The following DNAI4 variants were observed in gnomAD, a reference collection of about 807,000 sequenced individuals.
DNAI4 encodes dynein axonemal intermediate chain 4, also known as WD repeat domain 78.
DNAI4 carries 85 observed loss-of-function variants against 105.8 expected under a neutral mutation model. That is an observed-to-expected ratio of 0.80 (90% CI 0.67 to 0.96). The LOEUF (loss-of-function observed/expected upper bound fraction) is 0.96. Among genes scored for constraint, DNAI4 ranks in the 40% least tolerant of loss-of-function variants. The pLI, the probability that DNAI4 is intolerant of heterozygous loss-of-function variation, is 0.00. For missense variants in DNAI4, 1,014 were observed against 1,005.6 expected, an observed-to-expected ratio of 1.01 and a Z score of -0.11; for synonymous variants, 352 against 331.5, an observed-to-expected ratio of 1.06 and a Z score of -0.67.
Position 66,916,546 on chromosome 1 carries a change from G to A in DNAI4, c.170+8116C>T, listed in dbSNP as rs147954835. On this transcript the variant is annotated intron_variant, in intron 1 of 16. Transcript: ENST00000371026. Reference sequence around the variant, plus strand: ...AAGCCATTCAACTCTTCAAGGTCCCGTGACTGTTGTGAAAGAGGTTGGAAT... The same window carrying A: ...AAGCCATTCAACTCTTCAAGGTCCCATGACTGTTGTGAAAGAGGTTGGAAT... 7.4e-4 allele frequency among the ~76,000 whole-genome samples: 113 copies of A among 152,206 alleles called. 2 individuals are homozygous for A. The East Asian group carries it at 0.018, about 24-fold the overall frequency.
intron 5 of DNAI4, among the ~76,000 whole-genome samples, chr1:66,872,998 C>A (rs1646879732): frequency 6.6e-6 from 1 of 152,184 alleles, no homozygotes. Context: ...AAGGCTTGAG[C>A]TACCACACCC....
chr1:66,825,604 A>T (rs544353937), intron 15 of DNAI4, among the ~76,000 whole-genome samples: 2 of 152,256 alleles, frequency 1.3e-5, no homozygotes, highest in Admixed American at 1.3e-4. Flanking sequence ...AGTGTCCTCA[A>T]AAGAAGACAA....
Position 66,893,418 on chromosome 1 carries a change from T to A in DNAI4, c.346-5A>T. The A allele has an allele frequency of 6.8e-7, 1 of 1,476,400 alleles. No homozygotes were observed. Among genetic ancestry groups the A allele is most frequent in the South Asian group, 1.4e-5 (1 of 68,988 alleles). 91.5% of individuals were successfully genotyped at this position (1,476,400 alleles called of 1,614,324 possible). ...AGTTCCATTTATGTCAAATACCTGT[T>A]AAAAATGGTTATTTAAAATGAAATA... is the stretch of plus-strand genomic sequence containing the variant. On this transcript the variant is annotated splice_region_variant and splice_polypyrimidine_tract_variant and intron_variant, in intron 2 of 16. Transcript: ENST00000371026.
rs138864442 is a variant in DNAI4 at position 66,830,945 on chromosome 1, C to T, written c.2013+2640G>A. On this transcript the variant is annotated intron_variant, in intron 13 of 16. Coordinates refer to ENST00000371026, the MANE Select transcript of DNAI4 (RefSeq NM_024763.5). ...TGAGCTATAATCATACCACTGCACT[C>T]CAGCCTAGATGACAGAGTGAGACTC... is the stretch of plus-strand genomic sequence containing the variant. Among the ~76,000 whole-genome samples, 1,319 of 139,464 alleles carry T rather than the reference C, an allele frequency of 9.5e-3. 17 individuals carry two copies. Among genetic ancestry groups the T allele is most frequent in the African/African-American group, 0.032 (1,245 of 38,348 alleles). The allele number at this position is 139,464 out of a possible 152,430, so 91.5% of individuals were successfully genotyped here.
intron 4 of DNAI4, among the ~76,000 whole-genome samples, chr1:66,878,456 C>T (rs896694102): frequency 5.3e-5 from 8 of 152,034 alleles, no homozygotes; most frequent in South Asian, 2.1e-4. Context: ...GCCCTAGTTG[C>T]TTTTATTAGA....
chr1:66,915,583 T>C (rs1005624542), intron 1 of DNAI4, among the ~76,000 whole-genome samples: 1 of 152,172 alleles, frequency 6.6e-6, no homozygotes, highest in Non-Finnish European at 1.5e-5. Context: ...AATTCAATAA[T>C]TGATATTTCA....
chr1:66,912,000 C>A (rs1649692672), intron 1 of DNAI4, among the ~76,000 whole-genome samples: 1 of 152,130 alleles, frequency 6.6e-6, no homozygotes. Context: ...TATCACCACA[C>A]CTAGCTAATT....
chr1:66,813,187 T>A lies in DNAI4; in HGVS notation c.*943A>T, dbSNP rs1214495556. ...TTTTTTTTCCAGAGAGTTTAGTGAA[T>A]TTCATATGCCCTATCGTCTCCTCTC... On this transcript the variant is annotated 3_prime_UTR_variant, in exon 17 of 17. Transcript: ENST00000371026. The A allele has an allele frequency of 6.6e-6, 1 of 152,336 alleles. No individual in the cohort carries two copies. The highest frequency in any genetic ancestry group is 1.5e-5 in the Non-Finnish European group (1 of 68,036). 9.4% of individuals were successfully genotyped at this position (152,336 alleles called of 1,614,324 possible). A position where few individuals can be genotyped will look rare whatever the true frequency, so the allele number is the denominator to read the frequency against.
intron 7 of DNAI4, chr1:66,848,050 T>C: frequency 2.7e-6 from 1 of 370,644 alleles, no homozygotes; most frequent in East Asian, 7.3e-5. Flanking sequence ...CTCTTGCTGC[T>C]GTAACAAATC....
At chr1:66,828,068 A>C in intron 13 of DNAI4, 158 bp from the exon 14 acceptor site, 1 of 432,572 alleles carries the variant, frequency 2.3e-6, no homozygotes, top group Non-Finnish European at 4.1e-6. Flanking sequence ...TTTTGTCATG[A>C]TTTTGTAATA....
rs571588408 is a variant in DNAI4 at position 66,847,593 on chromosome 1, T to A, written c.1182A>T (p.Ile394=). ...CCTGATGAAATTTGTCAGATTTTAA[T>A]ATTGCATCTGAGTGGTCTTCCTCAT... ...HEDEEDHSDA[I]LKSDKFHQDL... The change falls in exon 8 of 17, where the codon ATA becomes ATT. Residue 394 remains isoleucine (I), a synonymous_variant. Transcript: ENST00000371026. 1 of 1,613,968 alleles carries A rather than the reference T, an allele frequency of 6.2e-7. No homozygotes were observed. Among genetic ancestry groups the A allele is most frequent in the Non-Finnish European group, 8.5e-7 (1 of 1,179,902 alleles).
At chr1:66,880,630 G>C (rs1415017357) in intron 4 of DNAI4, among the ~76,000 whole-genome samples, 1 of 152,172 alleles carries the variant, frequency 6.6e-6, no homozygotes, top group Non-Finnish European at 1.5e-5. Context: ...GGTGACTTGG[G>C]TGCTGTTAAA....
At chr1:66,923,786 A>G (rs914055139) in intron 1 of DNAI4, among the ~76,000 whole-genome samples, 1 of 152,200 alleles carries the variant, frequency 6.6e-6, no homozygotes, top group Non-Finnish European at 1.5e-5. Flanking sequence ...GGAGAGGGGA[A>G]GAGAAAACAA....
intron 9 of DNAI4, 29 bp from the exon 10 acceptor site, chr1:66,837,825 TAA>T (rs755858310): frequency 6.4e-7 from 1 of 1,559,740 alleles, no homozygotes; most frequent in African/African-American, 1.4e-5. Flanking sequence ...CATTTAAAAA[TAA>T]GAGAAGATAG....
intron 1 of DNAI4, among the ~76,000 whole-genome samples, chr1:66,908,247 A>G (rs1649405858): frequency 6.6e-6 from 1 of 152,212 alleles, no homozygotes; most frequent in Non-Finnish European, 1.5e-5. Context: ...ACCTGATGCT[A>G]TGCCTAAGTT....
intron 8 of DNAI4, among the ~76,000 whole-genome samples, chr1:66,845,505 G>C (rs1485796068): frequency 1.3e-5 from 2 of 152,014 alleles, no homozygotes; most frequent in African/African-American, 2.4e-5. Context: ...CCCATTTGTA[G>C]GTATTTTCAC....
Position 66,817,040 on chromosome 1 carries a change from CTG to C in DNAI4, c.2497-2862_2497-2861del, listed in dbSNP as rs556492670. ...GGAAATTTGCTTTTATCACTCAACA[CTG>C]TTTTTTAAATGTATTCAAAATTTGT... is the stretch of plus-strand genomic sequence containing the variant. On this transcript the variant is annotated intron_variant, in intron 16 of 16. Coordinates refer to ENST00000371026, the MANE Select transcript of DNAI4 (RefSeq NM_024763.5). Among the ~76,000 whole-genome samples the C allele has an allele frequency of 1.1e-3, 172 of 152,056 alleles. 1 individual carries two copies. The highest frequency in any genetic ancestry group is 4.1e-3 in the African/African-American group (169 of 41,462).
At position 66,814,173 on chromosome 1, in the gene DNAI4, ATATC is replaced by A; in HGVS notation, c.2500_2503del (p.Asp834Ter). 1 of 1,590,876 alleles carries A rather than the reference ATATC, an allele frequency of 6.3e-7. No homozygotes were observed. Among genetic ancestry groups the A allele is most frequent in the Non-Finnish European group, 8.5e-7 (1 of 1,176,682 alleles). On this transcript the variant is annotated frameshift_variant, in exon 17 of 17. Transcript: ENST00000371026. LOFTEE classifies it high-confidence loss of function. ...CTTGGATCCAAGCAAAGTATCCATT[ATATC>A]TCCCTGAAAAAAAAAAGTCACACAA... is the stretch of plus-strand genomic sequence containing the variant.
chr1:66,835,120 A>G (rs187600865), intron 11 of DNAI4, among the ~76,000 whole-genome samples: 286 of 152,256 alleles, frequency 1.9e-3, no homozygotes, highest in Non-Finnish European at 3.3e-3. Flanking sequence ...GTCCCATGTT[A>G]TATGACATGC....
Sources: allele counts gnomAD v4.1 joint callset (sites outside exome capture counted in the v4.1 genomes callset), GRCh38; gene constraint gnomAD v4.1.1; transcripts MANE v1.5; gene names NCBI Gene and HGNC (gene_info 2026-07-23, HGNC 2026-07-21).